The following CSMD1 variants were observed in gnomAD, a reference collection of about 807,000 sequenced individuals.
The protein encoded by CSMD1 is CUB and Sushi multiple domains 1.
CSMD1 carries 213 observed loss-of-function variants against 417.5 expected under a neutral mutation model. The observed-to-expected ratio is 0.51, with a 90% CI of 0.46 to 0.57. The LOEUF is 0.57. Ranked by LOEUF, CSMD1 falls within the 20% of genes least tolerant of loss-of-function variation. CSMD1 has a pLI of 0.00. For missense variants in CSMD1, 6,923 were observed against 4,529.7 expected, an observed-to-expected ratio of 1.53 and a Z score of -15.17; for synonymous variants, 2,862 against 1,736.8, an observed-to-expected ratio of 1.65 and a Z score of -16.11.
At chr8:3,192,302 G>C (rs910119076) in intron 33 of CSMD1, among the ~76,000 whole-genome samples, 1 of 152,260 alleles carries the variant, frequency 6.6e-6, no homozygotes. Flanking sequence ...GAAACGTTTG[G>C]TGTTTCAGGT....
At chr8:4,735,802 G>C (rs1391666308) in intron 1 of CSMD1, among the ~76,000 whole-genome samples, 2 of 152,116 alleles carry the variant, frequency 1.3e-5, no homozygotes, top group African/African-American at 4.8e-5. Context: ...TTTTTCCAAG[G>C]CTGCCTAGAT....
At chr8:3,271,598 C>A (rs550641643) in intron 26 of CSMD1, among the ~76,000 whole-genome samples, 1 of 152,006 alleles carries the variant, frequency 6.6e-6, no homozygotes, top group East Asian at 1.9e-4. Context: ...CTGTTGTTTC[C>A]TCACTTTTTA....
chr8:3,307,624 A>G, intron 25 of CSMD1, 71 bp downstream of exon 25: 8 of 1,486,644 alleles, frequency 5.4e-6, no homozygotes, highest in African/African-American at 1.4e-5. Context: ...TTGGTGTACC[A>G]CTATCTCTGC....
Position 4,689,492 on chromosome 8 carries a change from C to T in CSMD1, c.86-51934G>A, listed in dbSNP as rs73659188. Among the ~76,000 whole-genome samples, 397 of 152,126 alleles carry T rather than the reference C, an allele frequency of 2.6e-3. 3 individuals are homozygous for T. The highest frequency in any genetic ancestry group is 9.1e-3 in the African/African-American group (377 of 41,490). ...GGGGAAAAAAGGGTTTTCTTTATGA[C>T]GTATTTCTTGGATAACTTCTCAGAG... On this transcript the variant is annotated intron_variant, in intron 1 of 69. Coordinates refer to ENST00000635120, the MANE Select transcript of CSMD1 (RefSeq NM_033225.6).
At chr8:4,128,694 C>T (rs4418361) in intron 3 of CSMD1, among the ~76,000 whole-genome samples, 22,884 of 152,034 alleles carry the variant, frequency 0.15, 1,836 homozygotes, top group Middle Eastern at 0.19. Flanking sequence ...CACAACCTCA[C>T]GCCCACACAC....
chr8:4,113,708 C>T (rs1049155363), intron 3 of CSMD1, among the ~76,000 whole-genome samples: 3 of 152,130 alleles, frequency 2.0e-5, no homozygotes, highest in African/African-American at 7.2e-5. Context: ...CCAGCCAGTG[C>T]TACTCTTATA....
At chr8:4,242,183 T>C (rs1163661940) in intron 3 of CSMD1, among the ~76,000 whole-genome samples, 1 of 152,188 alleles carries the variant, frequency 6.6e-6, no homozygotes, top group Non-Finnish European at 1.5e-5. Context: ...AATGGTATAT[T>C]AAAAACTTTA....
At chr8:4,166,912 A>G (rs1178989485) in intron 3 of CSMD1, among the ~76,000 whole-genome samples, 2 of 152,192 alleles carry the variant, frequency 1.3e-5, no homozygotes, top group Non-Finnish European at 2.9e-5. Flanking sequence ...CCTCATTTTG[A>G]ATGCTCAGCA....
At chr8:2,948,164 A>G (rs937377921) in intron 68 of CSMD1, among the ~76,000 whole-genome samples, 5 of 152,164 alleles carry the variant, frequency 3.3e-5, no homozygotes, top group African/African-American at 1.2e-4. Flanking sequence ...TGTTACAAAA[A>G]TGCGTTTCCT....
intron 26 of CSMD1, among the ~76,000 whole-genome samples, chr8:3,241,067 G>C (rs528841086): frequency 0.32 from 46,355 of 147,038 alleles, 8,426 homozygotes; most frequent in Non-Finnish European, 0.4. Context: ...GGGTTAAGGT[G>C]AGGGGATACA....
At chr8:4,766,888 A>C (rs887680222) in intron 1 of CSMD1, among the ~76,000 whole-genome samples, 1 of 152,202 alleles carries the variant, frequency 6.6e-6, no homozygotes, top group Non-Finnish European at 1.5e-5. Flanking sequence ...TCTTATGTTG[A>C]TATTTTCCGC....
chr8:3,948,289 A>G (rs201511096), intron 5 of CSMD1, among the ~76,000 whole-genome samples: 1 of 152,180 alleles, frequency 6.6e-6, no homozygotes, highest in Non-Finnish European at 1.5e-5. Flanking sequence ...AAAAACAAAA[A>G]GTCATGTTAG....
chr8:3,060,548 G>A (rs1245584904), intron 49 of CSMD1, among the ~76,000 whole-genome samples: 2 of 152,170 alleles, frequency 1.3e-5, no homozygotes, highest in South Asian at 2.1e-4. Flanking sequence ...TAGGAAGTTA[G>A]ACTTGCTCAC....
chr8:3,556,726 TCTC>T (rs1347680503), intron 10 of CSMD1, among the ~76,000 whole-genome samples: 3 of 151,814 alleles, frequency 2.0e-5, no homozygotes, highest in Admixed American at 6.6e-5. Context: ...ACATTTAACT[TCTC>T]CTCTCTCAAA....
rs188603349 is a variant in CSMD1, at chr8:4,763,491, A to G, written c.86-125933T>C. Among the ~76,000 whole-genome samples, 6 of 152,272 alleles carry G rather than the reference A, an allele frequency of 3.9e-5. No individual in the cohort carries two copies. The East Asian group carries it at 1.2e-3, about 29-fold the overall frequency. On this transcript the variant is annotated intron_variant, in intron 1 of 69. Coordinates refer to ENST00000635120, the MANE Select transcript of CSMD1 (RefSeq NM_033225.6). ...ATGAGAGCTCCATAATCATTCAATA[A>G]TTTATTGATGACTTCTTATAATGTA... is the stretch of plus-strand genomic sequence containing the variant.
chr8:3,924,920 C>T (rs1287794011), intron 5 of CSMD1, among the ~76,000 whole-genome samples: 1 of 152,028 alleles, frequency 6.6e-6, no homozygotes, highest in Non-Finnish European at 1.5e-5. Context: ...CATTATATTT[C>T]CTTTATTTTT....
At chr8:3,919,844 AC>A (rs1205029180) in intron 5 of CSMD1, among the ~76,000 whole-genome samples, 1 of 151,932 alleles carries the variant, frequency 6.6e-6, no homozygotes, top group Non-Finnish European at 1.5e-5. Flanking sequence ...CAGATCATTC[AC>A]CTCCTTGGTT....
intron 26 of CSMD1, among the ~76,000 whole-genome samples, chr8:3,270,134 C>A (rs1480807415): frequency 6.8e-6 from 1 of 147,434 alleles, no homozygotes; most frequent in Non-Finnish European, 1.5e-5. Context: ...ACTGCAACCT[C>A]TGCCTCCCGG....
At chr8:4,708,258 G>A (rs1354236123) in intron 1 of CSMD1, among the ~76,000 whole-genome samples, 1 of 152,140 alleles carries the variant, frequency 6.6e-6, no homozygotes, top group Non-Finnish European at 1.5e-5. Flanking sequence ...CCTTCAGTGT[G>A]ACTCTTGATT....
Sources: gnomAD v4.1 joint callset for allele counts (sites outside exome capture counted in the v4.1 genomes callset) on GRCh38, gnomAD v4.1.1 for gene constraint, MANE v1.5 for transcripts, NCBI Gene and HGNC (gene_info 2026-07-23, HGNC 2026-07-21) for gene names.